Variants in ADGRG7 observed in about 807,000 individuals in gnomAD.
ADGRG7 encodes the protein G-protein coupled receptor 128.
In ADGRG7, 82 loss-of-function variants were observed where a neutral mutation model predicts 88.6. The observed-to-expected ratio is 0.93, with a 90% CI of 0.77 to 1.11. ADGRG7 has a LOEUF of 1.11. ADGRG7 is among the 50% of genes most tolerant of loss of function. The probability of loss-of-function intolerance (pLI) is 0.00; values close to 1 mark genes in which losing one functional copy is unlikely to be tolerated. For synonymous variants in ADGRG7, 381 were observed against 345.2 expected (o/e 1.10, Z -1.15); for missense variants, 945 against 953.4 (o/e 0.99, Z 0.12).
In ADGRG7 at chr3:100,689,199, C is replaced by A. The variant is rs559826894; in HGVS notation, c.2137-5545C>A. 4.0e-3 allele frequency among the ~76,000 whole-genome samples: 607 copies of A among 152,200 alleles called. 3 individuals carry two copies. The highest frequency in any genetic ancestry group is 4.9e-3 in the Non-Finnish European group (334 of 68,012). On this transcript the variant is annotated intron_variant, in intron 15 of 15. Coordinates refer to ENST00000273352, the MANE Select transcript of ADGRG7 (RefSeq NM_032787.3). ...GTTTTATCAGAGACTAGGATTGCAACCCCTGCCTTTTTTTGTTTTCCATTT... is the reference window on the plus strand; with the variant it reads ...GTTTTATCAGAGACTAGGATTGCAAACCCTGCCTTTTTTTGTTTTCCATTT...
chr3:100,624,802 C>A (rs1184479370), intron 1 of ADGRG7, among the ~76,000 whole-genome samples: 1 of 152,078 alleles, frequency 6.6e-6, no homozygotes, highest in East Asian at 1.9e-4. Context: ...AATCCTTTCC[C>A]TATTGCTTGT....
chr3:100,637,050 C>T (rs1459281033), intron 5 of ADGRG7, among the ~76,000 whole-genome samples: 2 of 152,168 alleles, frequency 1.3e-5, no homozygotes, highest in East Asian at 3.8e-4. Flanking sequence ...AAAGATCTTG[C>T]TATGAGGTCG....
chr3:100,645,011 T>G (rs536674430), intron 8 of ADGRG7, among the ~76,000 whole-genome samples: 31 of 152,190 alleles, frequency 2.0e-4, no homozygotes, highest in Admixed American at 3.9e-4. Context: ...GGAGGACAAT[T>G]TGGGGGCTGT....
chr3:100,695,253 A>G lies in ADGRG7; in HGVS notation c.*252A>G, dbSNP rs1429616243. ...ATACAAGAGTACCATTGTTCCTTAT[A>G]TCGTTAAATCTTTGTGACACACTTT... On this transcript the variant is annotated 3_prime_UTR_variant, in exon 16 of 16. Coordinates refer to ENST00000273352, the MANE Select transcript of ADGRG7 (RefSeq NM_032787.3). The G allele has an allele frequency of 7.6e-6, 3 of 393,628 alleles. No homozygotes were observed. Among genetic ancestry groups the G allele is most frequent in the Non-Finnish European group, 9.0e-6 (2 of 221,426 alleles). 24.4% of individuals were successfully genotyped at this position (393,628 alleles called of 1,614,324 possible).
chr3:100,662,381 G>T (rs1051847476), intron 14 of ADGRG7, among the ~76,000 whole-genome samples: 2 of 152,168 alleles, frequency 1.3e-5, no homozygotes, highest in African/African-American at 4.8e-5. Flanking sequence ...ATGTTTAACT[G>T]CATTAGGCAT....
intron 5 of ADGRG7, among the ~76,000 whole-genome samples, chr3:100,636,851 T>A (rs1241289383): frequency 6.6e-6 from 1 of 152,170 alleles, no homozygotes; most frequent in Non-Finnish European, 1.5e-5. Flanking sequence ...CACTCCTGAG[T>A]TATTGATTGA....
intron 4 of ADGRG7, chr3:100,635,470 G>A: frequency 1.7e-6 from 2 of 1,172,390 alleles, no homozygotes. Context: ...AATCAATCCT[G>A]TCAAACAGGA....
intron 13 of ADGRG7, among the ~76,000 whole-genome samples, chr3:100,657,215 G>A (rs1228691526): frequency 6.6e-6 from 1 of 152,144 alleles, no homozygotes; most frequent in African/African-American, 2.4e-5. Context: ...ATAAGCATCT[G>A]CCTCCTCCTG....
chr3:100,689,841 C>T (rs541228691), intron 15 of ADGRG7, among the ~76,000 whole-genome samples: 1 of 152,118 alleles, frequency 6.6e-6, no homozygotes, highest in Non-Finnish European at 1.5e-5. Context: ...GTGAATTTGA[C>T]CATTATGTGT....
intron 3 of ADGRG7, 52 bp downstream of exon 3, chr3:100,630,861 T>C: frequency 1.1e-6 from 1 of 873,128 alleles, no homozygotes; most frequent in Non-Finnish European, 1.7e-6. Context: ...CTATGCTGAG[T>C]CATACCTCTC....
chr3:100,665,315 A>T, intron 14 of ADGRG7: 1 of 540,834 alleles, frequency 1.8e-6, no homozygotes. Flanking sequence ...CTTTAAGTTC[A>T]TCTGGTGAAA....
At chr3:100,655,653 G>C (rs942521976) in intron 12 of ADGRG7, among the ~76,000 whole-genome samples, 1 of 152,130 alleles carries the variant, frequency 6.6e-6, no homozygotes, top group Admixed American at 6.5e-5. Context: ...GACAATTCTG[G>C]TAAGAGTTAC....
At chr3:100,621,644 T>C (rs772294844) in intron 1 of ADGRG7, among the ~76,000 whole-genome samples, 4 of 152,224 alleles carry the variant, frequency 2.6e-5, no homozygotes, top group Non-Finnish European at 4.4e-5. Context: ...AGAAGCCATC[T>C]CCATAACATA....
At chr3:100,693,942 A>G (rs1233513640) in intron 15 of ADGRG7, among the ~76,000 whole-genome samples, 2 of 152,268 alleles carry the variant, frequency 1.3e-5, no homozygotes, top group South Asian at 2.1e-4. Flanking sequence ...AGGCAACAGT[A>G]TAGGCAGCAC....
At chr3:100,649,845 G>A in intron 11 of ADGRG7, 38 bp downstream of exon 11, 2 of 1,198,756 alleles carry the variant, frequency 1.7e-6, no homozygotes, top group South Asian at 1.3e-5. Flanking sequence ...AAGAGAAATT[G>A]CTATCTTGAT....
intron 6 of ADGRG7, 115 bp downstream of exon 6, chr3:100,637,517 T>C: frequency 1.4e-6 from 1 of 709,494 alleles, no homozygotes. Context: ...ACTGACTGAT[T>C]CCTCTGGAAT....
intron 6 of ADGRG7, among the ~76,000 whole-genome samples, chr3:100,637,776 T>C (rs1200580385): frequency 6.6e-6 from 1 of 152,270 alleles, no homozygotes; most frequent in Non-Finnish European, 1.5e-5. Flanking sequence ...TTGCAGGACA[T>C]ACTGCCATCC....
intron 15 of ADGRG7, among the ~76,000 whole-genome samples, chr3:100,685,098 T>G (rs756086077): frequency 2.6e-5 from 4 of 152,174 alleles, no homozygotes; most frequent in East Asian, 1.9e-4. Flanking sequence ...GAATGTCCTG[T>G]TATTTTGACT....
At position 100,630,705 on chromosome 3, in the gene ADGRG7, C is replaced by T; in HGVS notation, c.230C>T (p.Ala77Val). Residue 77 changes from alanine (A) to valine (V), a missense_variant and splice_region_variant, in exon 3 of 16, where the codon GCT becomes GTT. Coordinates refer to ENST00000273352, the MANE Select transcript of ADGRG7 (RefSeq NM_032787.3). ...AAAGAACTTTTTCTCTTTATTACAGCTAATTTTTGTGAAAATAGTACCTAT... is the reference window on the plus strand; with the variant it reads ...AAAGAACTTTTTCTCTTTATTACAGTTAATTTTTGTGAAAATAGTACCTAT... ...EEWKGLRCTI[A>V]NFCENSTYMG... 1 of 1,356,888 alleles carries T rather than the reference C, an allele frequency of 7.4e-7. No individual in the cohort carries two copies. Among genetic ancestry groups the T allele is most frequent in the Non-Finnish European group, 9.7e-7 (1 of 1,031,430 alleles). The allele number at this position is 1,356,888 out of a possible 1,614,324, so 84.1% of individuals were successfully genotyped here.
Sources: gnomAD v4.1 joint callset for allele counts (sites outside exome capture counted in the v4.1 genomes callset) on GRCh38, gnomAD v4.1.1 for gene constraint, MANE v1.5 for transcripts, NCBI Gene and HGNC (gene_info 2026-07-23, HGNC 2026-07-21) for gene names.